The following SNX24 variants were observed in gnomAD, a reference collection of about 807,000 sequenced individuals.
The protein encoded by SNX24 is sorting nexin-24.
Under a neutral mutation model 28.7 loss-of-function variants are expected in SNX24, and 22 were observed. The ratio of observed to expected loss-of-function variants is 0.77; its 90% confidence interval spans 0.55 to 1.10. The LOEUF (loss-of-function observed/expected upper bound fraction) is 1.10, where lower values mean the gene tolerates loss of function less well. Ranked by LOEUF, SNX24 falls within the 50% of genes least tolerant of loss-of-function variation. The pLI is 0.00. For missense variants in SNX24, 221 were observed against 201.1 expected, an observed-to-expected ratio of 1.10 and a Z score of -0.60; for synonymous variants, 69 against 71.5, an observed-to-expected ratio of 0.96 and a Z score of 0.18.
chr5:123,024,194 T>C (rs926558606), intron 5 of SNX24, among the ~76,000 whole-genome samples: 3 of 152,148 alleles, frequency 2.0e-5, no homozygotes, highest in Admixed American at 1.3e-4. Context: ...TTAGAAAATA[T>C]ATACATCACA....
chr5:122,846,714 A>G (rs1754652799), intron 1 of SNX24, among the ~76,000 whole-genome samples: 1 of 152,226 alleles, frequency 6.6e-6, no homozygotes, highest in South Asian at 2.1e-4. Flanking sequence ...AATGAAAAAC[A>G]GTGATTGAAA....
At chr5:122,875,036 T>C (rs531263658) in intron 1 of SNX24, among the ~76,000 whole-genome samples, 1 of 152,360 alleles carries the variant, frequency 6.6e-6, no homozygotes, top group Non-Finnish European at 1.5e-5. Flanking sequence ...ATATGATTTA[T>C]GATCTGAATA....
intron 1 of SNX24, among the ~76,000 whole-genome samples, chr5:122,889,360 A>G (rs893405610): frequency 6.6e-6 from 1 of 151,922 alleles, no homozygotes; most frequent in Non-Finnish European, 1.5e-5. Flanking sequence ...AGATGTATAC[A>G]GGCTGAGTAC....
chr5:122,888,223 G>A (rs753051867), intron 1 of SNX24, among the ~76,000 whole-genome samples: 5 of 152,080 alleles, frequency 3.3e-5, no homozygotes, highest in Admixed American at 6.5e-5. Context: ...TTAATCTGCA[G>A]GCTTACTTGG....
At chr5:122,949,816 C>T (rs1341065013) in intron 3 of SNX24, among the ~76,000 whole-genome samples, 2 of 152,014 alleles carry the variant, frequency 1.3e-5, no homozygotes, top group Non-Finnish European at 2.9e-5. Context: ...AAAACAAAAA[C>T]GAAAAACCCT....
chr5:122,885,256 C>G (rs946709966), intron 1 of SNX24, among the ~76,000 whole-genome samples: 2 of 152,064 alleles, frequency 1.3e-5, no homozygotes, highest in African/African-American at 4.8e-5. Context: ...GCCTCCCTGC[C>G]TCTCCTCCCC....
chr5:122,851,948 A>T (rs1754938588), intron 1 of SNX24, among the ~76,000 whole-genome samples: 1 of 152,030 alleles, frequency 6.6e-6, no homozygotes, highest in Non-Finnish European at 1.5e-5. Context: ...CAAAATTATC[A>T]ATACCTTAAT....
At chr5:123,026,534 T>C (rs979445612) in intron 5 of SNX24, among the ~76,000 whole-genome samples, 5 of 152,178 alleles carry the variant, frequency 3.3e-5, no homozygotes, top group African/African-American at 9.7e-5. Context: ...AACTTGAAAA[T>C]AGCAGAGCAG....
chr5:122,931,681 T>A (rs1327059715), intron 1 of SNX24, among the ~76,000 whole-genome samples: 1 of 152,140 alleles, frequency 6.6e-6, no homozygotes, highest in African/African-American at 2.4e-5. Flanking sequence ...CATGTATATT[T>A]CAGATTCCCA....
At chr5:122,906,775 T>C (rs1757661003) in intron 1 of SNX24, among the ~76,000 whole-genome samples, 1 of 152,210 alleles carries the variant, frequency 6.6e-6, no homozygotes, top group Admixed American at 6.5e-5. Flanking sequence ...CCCAAAGTGC[T>C]GGGATTACAG....
chr5:123,011,319 A>G (rs1762573571), downstream of SNX24, among the ~76,000 whole-genome samples: 1 of 152,184 alleles, frequency 6.6e-6, no homozygotes, highest in Admixed American at 6.5e-5. Flanking sequence ...TACCTTATGC[A>G]GTGCCTCTCA....
At chr5:123,028,603 C>T (rs1207623217) in intron 5 of SNX24, 2 of 513,252 alleles carry the variant, frequency 3.9e-6, no homozygotes, top group Non-Finnish European at 7.0e-6. Flanking sequence ...CTCCCTCATA[C>T]CTGTCGAGAT....
At chr5:123,012,755 G>A (rs1308569929), downstream of SNX24, among the ~76,000 whole-genome samples, 8 of 152,192 alleles carry the variant, frequency 5.3e-5, no homozygotes, top group Admixed American at 4.6e-4. Context: ...TCTGTCGTGG[G>A]TGCAGGAGAG....
At chr5:122,848,657 C>T (rs1754759387) in intron 1 of SNX24, among the ~76,000 whole-genome samples, 1 of 151,946 alleles carries the variant, frequency 6.6e-6, no homozygotes, top group South Asian at 2.1e-4. Flanking sequence ...TGCAGAGAGC[C>T]GAGATCGCGC....
intron 1 of SNX24, among the ~76,000 whole-genome samples, chr5:122,859,407 G>A (rs1185117366): frequency 6.6e-6 from 1 of 152,098 alleles, no homozygotes; most frequent in Non-Finnish European, 1.5e-5. Context: ...GATTTGAGGA[G>A]TAGCCTGGGC....
In SNX24 at chr5:122,962,283, G is replaced by C. The variant is rs192509813; in HGVS notation, c.249+16124G>C. ...ATGATATTTCTTTTCATATTTTTAA[G>C]GCTTGCATTATAACCATGGAGAATT... On this transcript the variant is annotated intron_variant, in intron 3 of 6. Transcript: ENST00000261369. 6.5e-3 allele frequency among the ~76,000 whole-genome samples: 985 copies of C among 151,872 alleles called. 7 individuals are homozygous for C. Among genetic ancestry groups the C allele is most frequent in the Middle Eastern group, 0.031 (9 of 292 alleles).
intron 1 of SNX24, among the ~76,000 whole-genome samples, chr5:122,935,593 AAAG>A (rs1349854882): frequency 6.6e-6 from 1 of 152,230 alleles, no homozygotes; most frequent in Non-Finnish European, 1.5e-5. Context: ...TTTCTGATTC[AAAG>A]AAGCACAAAA....
chr5:122,855,356 C>T (rs554081107), intron 1 of SNX24, among the ~76,000 whole-genome samples: 85 of 152,342 alleles, frequency 5.6e-4, no homozygotes, highest in African/African-American at 1.7e-3. Context: ...GCATGAGCCA[C>T]CACGCCCAGC....
At chr5:122,885,973 C>T (rs1756690212) in intron 1 of SNX24, among the ~76,000 whole-genome samples, 1 of 145,364 alleles carries the variant, frequency 6.9e-6, no homozygotes, top group African/African-American at 2.6e-5. Flanking sequence ...TCTAATGCCC[C>T]CGCTGATCCG....
Sources: allele counts gnomAD v4.1 joint callset (sites outside exome capture counted in the v4.1 genomes callset), GRCh38; gene constraint gnomAD v4.1.1; transcripts MANE v1.5; gene names NCBI Gene and HGNC (gene_info 2026-07-23, HGNC 2026-07-21).